Variants in RPS6KC1 observed in about 807,000 individuals in gnomAD.
The protein encoded by RPS6KC1 is ribosomal protein S6 kinase C1.
In RPS6KC1, 54 loss-of-function variants were observed where a neutral mutation model predicts 103.8. The ratio of observed to expected loss-of-function variants is 0.52; its 90% CI spans 0.42 to 0.65. The LOEUF is 0.65. Among genes scored for constraint, RPS6KC1 ranks in the 30% least tolerant of loss-of-function variants. RPS6KC1 has a pLI of 0.00. For synonymous variants in RPS6KC1, 439 were observed against 438.7 expected (o/e 1.00, Z -0.01); for missense variants, 1,151 against 1,253.8 (o/e 0.92, Z 1.24).
At chr1:213,571,645 A>C in the RPS6KC1 span, among the ~76,000 whole-genome samples, 1 of 152,208 alleles carries the variant, frequency 6.6e-6, no homozygotes, top group Non-Finnish European at 1.5e-5. Context: ...TAAGTGACGA[A>C]GTCAAATTTG....
At chr1:213,252,890 C>T (rs1395600205) in intron 12 of RPS6KC1, among the ~76,000 whole-genome samples, 3 of 152,132 alleles carry the variant, frequency 2.0e-5, no homozygotes, top group Non-Finnish European at 4.4e-5. Context: ...CTTCCAGCAT[C>T]TAACTATTGG....
chr1:213,078,075 A>G (rs1239026669), intron 3 of RPS6KC1, among the ~76,000 whole-genome samples: 1 of 152,144 alleles, frequency 6.6e-6, no homozygotes, highest in Non-Finnish European at 1.5e-5. Context: ...GGAACATAAG[A>G]AAAGGTGATA....
Position 213,231,700 on chromosome 1 carries a change from G to A in RPS6KC1, c.1093-423G>A, listed in dbSNP as rs115946016. On this transcript the variant is annotated intron_variant, in intron 9 of 14. Coordinates refer to ENST00000366960, the MANE Select transcript of RPS6KC1 (RefSeq NM_012424.6). The stretch of plus-strand genomic sequence containing the variant: ...ATATTGTTTGTACTTTTGGGGGATA[G>A]GATTTTAAAATTGCCTGCTTAATCT... 3.1e-3 allele frequency among the ~76,000 whole-genome samples: 477 copies of A among 152,246 alleles called. 4 individuals carry two copies. Among genetic ancestry groups the A allele is most frequent in the African/African-American group, 0.011 (454 of 41,552 alleles).
At chr1:213,513,044 G>A in the RPS6KC1 span, among the ~76,000 whole-genome samples, 2 of 152,196 alleles carry the variant, frequency 1.3e-5, no homozygotes, top group Non-Finnish European at 2.9e-5. Context: ...GGGACTTTAT[G>A]GGTGAGACTG....
At chr1:213,185,726 CT>C (rs955939018) in intron 8 of RPS6KC1, among the ~76,000 whole-genome samples, 28 of 148,926 alleles carry the variant, frequency 1.9e-4, no homozygotes, top group African/African-American at 5.4e-4. Flanking sequence ...TTTTAACAAT[CT>C]TTTTTTTTTC....
the RPS6KC1 span, among the ~76,000 whole-genome samples, chr1:213,661,302 C>T: frequency 6.6e-6 from 1 of 152,182 alleles, no homozygotes; most frequent in Non-Finnish European, 1.5e-5. Flanking sequence ...GTGTCAGGAT[C>T]TCAGGTAGAG....
At chr1:213,703,295 T>C in the RPS6KC1 span, among the ~76,000 whole-genome samples, 2 of 152,348 alleles carry the variant, frequency 1.3e-5, no homozygotes, top group Middle Eastern at 3.4e-3. Flanking sequence ...TTATATCTTA[T>C]TGTACTGTCT....
chr1:213,374,965 GACA>G, the RPS6KC1 span, among the ~76,000 whole-genome samples: 1 of 151,836 alleles, frequency 6.6e-6, no homozygotes, highest in Non-Finnish European at 1.5e-5. Flanking sequence ...CTACTACAAC[GACA>G]ACAACTATTA....
At chr1:213,652,974 T>A in the RPS6KC1 span, among the ~76,000 whole-genome samples, 1 of 152,294 alleles carries the variant, frequency 6.6e-6, no homozygotes, top group Non-Finnish European at 1.5e-5. Flanking sequence ...TCATACTGTA[T>A]CCCTAGCGCC....
intron 12 of RPS6KC1, among the ~76,000 whole-genome samples, chr1:213,255,184 G>T (rs2094613866): frequency 6.6e-6 from 1 of 151,760 alleles, no homozygotes; most frequent in South Asian, 2.1e-4. Context: ...CCATGCCTGT[G>T]GTCCTGGGAC....
intron 6 of RPS6KC1, among the ~76,000 whole-genome samples, chr1:213,138,667 G>A (rs2086660610): frequency 6.6e-6 from 1 of 152,078 alleles, no homozygotes; most frequent in South Asian, 2.1e-4. Context: ...TCCATCTTTT[G>A]TTGCTGCAAA....
chr1:213,369,347 A>G, the RPS6KC1 span, among the ~76,000 whole-genome samples: 1 of 152,218 alleles, frequency 6.6e-6, no homozygotes. Flanking sequence ...TCTCTTCCTA[A>G]TGAGTTTCAA....
intron 8 of RPS6KC1, among the ~76,000 whole-genome samples, chr1:213,207,736 C>T (rs192557324): frequency 1.6e-4 from 24 of 152,088 alleles, no homozygotes; most frequent in East Asian, 3.9e-4. Flanking sequence ...TGCAGTGGCG[C>T]GATCTCAGCT....
chr1:213,811,103 A>G, the RPS6KC1 span, among the ~76,000 whole-genome samples: 1 of 152,190 alleles, frequency 6.6e-6, no homozygotes, highest in African/African-American at 2.4e-5. Flanking sequence ...ATAGCACTCT[A>G]CTTACAACTC....
chr1:213,363,671 T>G, the RPS6KC1 span, among the ~76,000 whole-genome samples: 50 of 100,680 alleles, frequency 5.0e-4, 3 homozygotes, highest in African/African-American at 2.3e-3. Context: ...TCTTTCTTTC[T>G]TTCTTTCTTT....
the RPS6KC1 span, among the ~76,000 whole-genome samples, chr1:213,449,864 T>C: frequency 1.6e-3 from 248 of 152,324 alleles, 1 homozygote; most frequent in South Asian, 9.1e-3. Flanking sequence ...CAATAATTCT[T>C]ATTAGAGATT....
chr1:213,679,791 T>C, the RPS6KC1 span, among the ~76,000 whole-genome samples: 1 of 152,228 alleles, frequency 6.6e-6, no homozygotes, highest in African/African-American at 2.4e-5. Flanking sequence ...TACATAGGAC[T>C]GTACTTTAAG....
chr1:213,261,699 A>G (rs1163218279), intron 13 of RPS6KC1, 59 bp downstream of exon 13: 1 of 1,423,860 alleles, frequency 7.0e-7, no homozygotes, highest in South Asian at 1.2e-5. Context: ...ATTTCAAATT[A>G]AGAACATTAG....
At chr1:213,734,877 C>T in the RPS6KC1 span, among the ~76,000 whole-genome samples, 1 of 151,842 alleles carries the variant, frequency 6.6e-6, no homozygotes, top group African/African-American at 2.4e-5. Context: ...CATCGGCTGC[C>T]CTGTAATTGA....
Sources: allele counts gnomAD v4.1 joint callset (sites outside exome capture counted in the v4.1 genomes callset), GRCh38; gene constraint gnomAD v4.1.1; transcripts MANE v1.5; gene names NCBI Gene and HGNC (gene_info 2026-07-23, HGNC 2026-07-21).